AMT: variants seen among roughly 807,000 people sequenced by gnomAD.
The protein encoded by AMT is aminomethyltransferase, mitochondrial.
AMT carries 24 observed loss-of-function variants against 39.5 expected under a neutral mutation model. The ratio of observed to expected loss-of-function variants is 0.61; its 90% CI spans 0.44 to 0.86. The LOEUF is 0.86. Among genes scored for constraint, AMT ranks in the 40% least tolerant of loss-of-function variants. AMT has a pLI of 0.00. For synonymous variants in AMT, 210 were observed against 212.1 expected (o/e 0.99, Z 0.09); for missense variants, 501 against 537.0 (o/e 0.93, Z 0.66).
Position 49,417,195 on chromosome 3 carries a change from T to G in AMT, c.*345A>C. On this transcript the variant is annotated 3_prime_UTR_variant, in exon 9 of 9. Coordinates refer to ENST00000273588, the MANE Select transcript of AMT (RefSeq NM_000481.4). ...GGTAGGTTGGGCAGGTTTTATCCTC[T>G]CCACAAAGGTGAGCCTTTGCTCCAC... 1 of 1,407,194 alleles carries G rather than the reference T, an allele frequency of 7.1e-7. No individual in the cohort carries two copies. The highest frequency in any genetic ancestry group is 1.2e-5 in the South Asian group (1 of 84,372). 87.2% of individuals were successfully genotyped at this position (1,407,194 alleles called of 1,614,324 possible).
rs1306309441 is a variant in AMT at position 49,421,440 on chromosome 3, T to C, written c.339+52A>G. 27 of 1,497,688 alleles carry C rather than the reference T, an allele frequency of 1.8e-5. No individual in the cohort carries two copies. The East Asian group carries it at 5.9e-4, about 33-fold the overall frequency. 92.8% of individuals were successfully genotyped at this position (1,497,688 alleles called of 1,614,324 possible). ...AAGCCTGAGGTAGGGACTCAGCCCA[T>C]TTGCTGGCTCATGACTAAGAAAACT... On this transcript the variant is annotated intron_variant, in intron 3 of 8. Transcript: ENST00000273588.
At chr3:49,421,468 T>C (rs767388814) in intron 3 of AMT, 24 bp downstream of exon 3, 13 of 1,601,748 alleles carry the variant, frequency 8.1e-6, no homozygotes, top group South Asian at 3.3e-5. Flanking sequence ...AGAAAACTCA[T>C]AGAGCAGAAA....
chr3:49,421,797 C>T, intron 2 of AMT: 1 of 668,284 alleles, frequency 1.5e-6, no homozygotes, highest in Non-Finnish European at 2.7e-6. Context: ...GGACCTAGCA[C>T]CTTCCTGAAA....
intron 3 of AMT, 110 bp from the exon 4 acceptor site, chr3:49,420,452 T>C: frequency 1.3e-6 from 2 of 1,516,380 alleles, no homozygotes; most frequent in East Asian, 2.3e-5. Flanking sequence ...TGAACCCTAA[T>C]GTGAAGGACT....
chr3:49,417,009 C>G lies in AMT; in HGVS notation c.*531G>C, dbSNP rs753485060. On this transcript the variant is annotated 3_prime_UTR_variant, in exon 9 of 9. Transcript: ENST00000273588. ...AGTGAGTCTATGTTCCCTCAGCCAT[C>G]CCCAAGTTTACACACAGGCATAGCA... is the stretch of plus-strand genomic sequence containing the variant. 3.8e-6 allele frequency: 2 copies of G among 521,346 alleles called. No individual in the cohort carries two copies. Among genetic ancestry groups the G allele is most frequent in the Non-Finnish European group, 3.7e-6 (1 of 271,276 alleles). The allele number at this position is 521,346 out of a possible 1,614,324, so 32.3% of individuals were successfully genotyped here.
At position 49,417,709 on chromosome 3, in the gene AMT, G is replaced by C. The variant is rs1258612615; in HGVS notation, c.1043C>G (p.Thr348Ser). Residue 348 changes from threonine (T) to serine (S), a missense_variant, in exon 9 of 9, where the codon ACT (threonine) becomes AGT (serine). Transcript: ENST00000273588. Reference sequence around the variant, plus strand: ...CAGAGAGGGGGAGGGGCAGCCACTAGTCACAGTACCTGTCAAGCAAGCATA... The same window carrying C: ...CAGAGAGGGGGAGGGGCAGCCACTACTCACAGTACCTGTCAAGCAAGCATA... ...NMEGTKIGTV[T>S]SGCPSPSLKK... is the part of the protein sequence containing the mutation. The C allele has an allele frequency of 1.2e-6, 2 of 1,613,858 alleles. No homozygotes were observed. The highest frequency in any genetic ancestry group is 1.3e-5 in the African/African-American group (1 of 74,896).
intron 6 of AMT, 45 bp downstream of exon 6, chr3:49,419,215 T>G (rs201085273): frequency 9.3e-6 from 15 of 1,613,084 alleles, no homozygotes; most frequent in Non-Finnish European, 1.3e-5. Flanking sequence ...ACCCCTCACA[T>G]GCATCCTGTG....
Position 49,419,054 on chromosome 3 carries a change from C to T in AMT, c.794G>A (p.Arg265His), listed in dbSNP as rs757918826. 23 of 1,613,960 alleles carry T rather than the reference C, an allele frequency of 1.4e-5. No individual in the cohort carries two copies. The highest frequency in any genetic ancestry group is 1.0e-4 in the Admixed American group (6 of 59,998). ...LAGLAARDSLRLEAGLCLYGN... is the reference protein window; with the variant it reads ...LAGLAARDSLHLEAGLCLYGN... Reference sequence around the variant, plus strand: ...ATACAGGCAGAGGCCTGCCTCCAGGCGCAGGCTGTCCCTGGCTGCCAGCCC... The same window carrying T: ...ATACAGGCAGAGGCCTGCCTCCAGGTGCAGGCTGTCCCTGGCTGCCAGCCC... The change falls in exon 7 of 9, where the codon CGC (arginine) becomes CAC (histidine). Residue 265 changes from arginine (R) to histidine (H), a missense_variant. Transcript: ENST00000273588.
In AMT at chr3:49,419,251, T is replaced by A. The variant is rs758602446; in HGVS notation, c.696+9A>T. 1 of 1,614,032 alleles carries A rather than the reference T, an allele frequency of 6.2e-7. No homozygotes were observed. The highest frequency in any genetic ancestry group is 2.2e-5 in the East Asian group (1 of 44,872). On this transcript the variant is annotated intron_variant, in intron 6 of 8. Transcript: ENST00000273588. ...CCCTGTACTGCCCCCACACCACTTC[T>A]TGACACACCTCCACACCATCCTCTC...
At chr3:49,421,638 G>T in intron 2 of AMT, 66 bp from the exon 3 acceptor site, 2 of 1,408,996 alleles carry the variant, frequency 1.4e-6, no homozygotes, top group Non-Finnish European at 1.0e-6. Context: ...ACTAAGCAAG[G>T]ATGCATCCTC....
chr3:49,418,002 A>G, intron 7 of AMT, 29 bp from the exon 8 acceptor site: 2 of 1,587,604 alleles, frequency 1.3e-6, no homozygotes, highest in South Asian at 1.1e-5. Flanking sequence ...GACATAAGCC[A>G]CAGCCCATAG....
chr3:49,417,242 G>C lies in AMT; in HGVS notation c.*298C>G. The C allele has an allele frequency of 6.3e-7, 1 of 1,583,562 alleles. No individual in the cohort carries two copies. The highest frequency in any genetic ancestry group is 1.1e-5 in the South Asian group (1 of 90,534). The stretch of plus-strand genomic sequence containing the variant: ...CCACAGCCAGCACCTGGCAGAGTGG[G>C]AGAGATGGCAGAACCAAAGCTTCTC... On this transcript the variant is annotated 3_prime_UTR_variant, in exon 9 of 9. Coordinates refer to ENST00000273588, the MANE Select transcript of AMT (RefSeq NM_000481.4).
intron 4 of AMT, 82 bp downstream of exon 4, chr3:49,420,129 T>G: frequency 6.3e-7 from 1 of 1,586,628 alleles, no homozygotes; most frequent in Non-Finnish European, 8.6e-7. Context: ...GTCCCTTGTC[T>G]GTGCCAACCC....
At position 49,417,065 on chromosome 3, in the gene AMT, C is replaced by G. The variant is rs1158921850; in HGVS notation, c.*475G>C. ...ACTGTGAGTCAGCAATCATTCCTGA[C>G]TTGCAGTAAGGACAATTTGCATTTA... On this transcript the variant is annotated 3_prime_UTR_variant, in exon 9 of 9. Transcript: ENST00000273588. 3.1e-5 allele frequency: 20 copies of G among 636,512 alleles called. No individual in the cohort carries two copies. The highest frequency in any genetic ancestry group is 2.3e-5 in the Non-Finnish European group (8 of 345,232). The allele number at this position is 636,512 out of a possible 1,614,324, so 39.4% of individuals were successfully genotyped here.
intron 2 of AMT, 33 bp downstream of exon 2, chr3:49,422,071 T>C: frequency 6.2e-7 from 1 of 1,613,010 alleles, no homozygotes; most frequent in Non-Finnish European, 8.5e-7. Flanking sequence ...GAGGAAGGCC[T>C]GATCAGATGG....
chr3:49,419,382 G>A lies in AMT; in HGVS notation c.574C>T (p.Gln192Ter), dbSNP rs121964986. 1.5e-5 allele frequency: 25 copies of A among 1,614,078 alleles called. No homozygotes were observed. Among genetic ancestry groups the A allele is most frequent in the Non-Finnish European group, 1.9e-5 (23 of 1,179,994 alleles). The change falls in exon 6 of 9, where the codon CAG becomes TAG. Residue 192 changes from glutamine to a stop codon, truncating the protein, a stop_gained. Coordinates refer to ENST00000273588, the MANE Select transcript of AMT (RefSeq NM_000481.4). LOFTEE classifies it high-confidence loss of function. ...CTCAGGTCATCTGCCACGCCGGCCT[G>A]TAGTACCTGGGCTGCAGTGGGGCCT... ...LQGPTAAQVL[Q>*]AGVADDLRKL...
chr3:49,419,988 C>T, intron 4 of AMT, 200 bp from the exon 5 acceptor site: 1 of 785,032 alleles, frequency 1.3e-6, no homozygotes, highest in South Asian at 1.6e-5. Context: ...AGTTCTGCCA[C>T]CTCACACCAG....
intron 4 of AMT, 112 bp from the exon 5 acceptor site, chr3:49,419,900 AG>A: frequency 1.9e-6 from 2 of 1,075,486 alleles, no homozygotes; most frequent in African/African-American, 1.6e-5. Flanking sequence ...AGGAGGAGGG[AG>A]GAAAAAAAAA....
intron 6 of AMT, 45 bp from the exon 7 acceptor site, chr3:49,419,196 A>G: frequency 6.2e-7 from 1 of 1,612,660 alleles, no homozygotes; most frequent in Non-Finnish European, 8.5e-7. Flanking sequence ...CCTGTACCAC[A>G]TACCCCCAAC....
Sources: allele counts gnomAD v4.1 joint callset, GRCh38; gene constraint gnomAD v4.1.1; transcripts MANE v1.5; gene names NCBI Gene and HGNC (gene_info 2026-07-23, HGNC 2026-07-21).